Variants in FAM98A observed in about 807,000 individuals in gnomAD.
The protein encoded by FAM98A is protein FAM98A.
In FAM98A, 25 loss-of-function variants were observed where a neutral mutation model predicts 62.9. The observed-to-expected ratio is 0.40, with a 90% confidence interval of 0.29 to 0.56. The LOEUF (loss-of-function observed/expected upper bound fraction) is 0.56, where lower values mean the gene tolerates loss of function less well. Among genes scored for constraint, FAM98A ranks in the 20% least tolerant of loss-of-function variants. The pLI, the probability that FAM98A is intolerant of heterozygous loss-of-function variation, is 0.51. For missense variants in FAM98A, 653 were observed against 640.7 expected (o/e 1.02, Z -0.21); for synonymous variants, 252 against 228.6 (o/e 1.10, Z -0.92).
rs1677495218 is a variant in FAM98A, at chr2:33,584,783, G to C, written c.1550C>G (p.Thr517Ser). 1 of 1,597,734 alleles carries C rather than the reference G, an allele frequency of 6.3e-7. No homozygotes were observed. The part of the protein sequence containing the change: ...HSGFGQGRHY[T>S]S ...ATGTAAGGTTCGGTAGCCTCAACTA[G>C]TGTAATGTCTTCCCTGTCCAAATCC... The change falls in exon 8 of 8, where the codon ACT becomes AGT. Residue 517 changes from threonine to serine, a missense_variant. Coordinates refer to ENST00000238823, the MANE Select transcript of FAM98A (RefSeq NM_015475.5).
chr2:33,595,255 A>G (rs1444153744), intron 2 of FAM98A, among the ~76,000 whole-genome samples: 2 of 152,184 alleles, frequency 1.3e-5, no homozygotes, highest in African/African-American at 4.8e-5. Flanking sequence ...TCTGTATCCC[A>G]GTAATAGGGT....
At chr2:33,590,865 T>C (rs1677656694) in intron 3 of FAM98A, among the ~76,000 whole-genome samples, 1 of 152,150 alleles carries the variant, frequency 6.6e-6, no homozygotes, top group Non-Finnish European at 1.5e-5. Flanking sequence ...TTGGAAGAAT[T>C]AGCTATTCAG....
chr2:33,591,481 T>C (rs540181562), intron 3 of FAM98A, among the ~76,000 whole-genome samples: 1 of 152,264 alleles, frequency 6.6e-6, no homozygotes, highest in African/African-American at 2.4e-5. Flanking sequence ...GTAGTAAGTA[T>C]GTAAAAAACA....
chr2:33,593,413 AAAC>A lies in FAM98A; in HGVS notation c.203-1202_203-1200del, dbSNP rs1677719853. On this transcript the variant is annotated intron_variant, in intron 2 of 7. Coordinates refer to ENST00000238823, the MANE Select transcript of FAM98A (RefSeq NM_015475.5). Reference sequence around the variant, plus strand: ...AGTGAGATCTTGTCTAAAAACAAACAAACAAAAGGACTGTACTTATCTCCAGTT... The same window carrying A: ...AGTGAGATCTTGTCTAAAAACAAACAAAAAGGACTGTACTTATCTCCAGTT... Among the ~76,000 whole-genome samples the A allele has an allele frequency of 2.6e-5, 4 of 152,260 alleles. No individual in the cohort carries two copies. In the South Asian group the frequency reaches 8.3e-4, roughly 32 times the overall value.
intron 5 of FAM98A, 88 bp from the exon 6 acceptor site, chr2:33,586,766 T>C: frequency 1.3e-6 from 1 of 786,074 alleles, no homozygotes; most frequent in Non-Finnish European, 2.2e-6. Context: ...GTGTCATTCA[T>C]AACTGAGATC....
At position 33,586,929 on chromosome 2, in the gene FAM98A, C is replaced by T. The variant is rs192488161; in HGVS notation, c.604-251G>A. The T allele has an allele frequency of 5.3e-4, 281 of 531,316 alleles. 3 individuals carry two copies. The highest frequency in any genetic ancestry group is 4.7e-3 in the African/African-American group (252 of 53,078). The allele number at this position is 531,316 out of a possible 1,614,324, so 32.9% of individuals were successfully genotyped here. On this transcript the variant is annotated intron_variant, in intron 5 of 7. Transcript: ENST00000238823. ...CTTTCCCATAATTTACTGTGTGAAG[C>T]TCAGCCCAGTGAAGTTTTTGGCTTG...
chr2:33,599,082 G>T (rs1169398521), intron 1 of FAM98A, 87 bp downstream of exon 1: 5 of 1,090,688 alleles, frequency 4.6e-6, no homozygotes, highest in Non-Finnish European at 7.1e-6. Context: ...GGCGTGGAGA[G>T]GCAGGTGTCT....
chr2:33,599,296 G>T lies in FAM98A; in HGVS notation c.-75C>A. The T allele has an allele frequency of 8.1e-7, 1 of 1,242,234 alleles. No individual in the cohort carries two copies. The highest frequency in any genetic ancestry group is 1.2e-5 in the South Asian group (1 of 83,796). The allele number at this position is 1,242,234 out of a possible 1,614,324, so 77.0% of individuals were successfully genotyped here. Reference sequence around the variant, plus strand: ...GCAACGCGTACACTCGCGCATGCGCGACTTCCCCGGAACTTCCAAATCCAC... The same window carrying T: ...GCAACGCGTACACTCGCGCATGCGCTACTTCCCCGGAACTTCCAAATCCAC... On this transcript the variant is annotated 5_prime_UTR_variant, in exon 1 of 8. Coordinates refer to ENST00000238823, the MANE Select transcript of FAM98A (RefSeq NM_015475.5).
Position 33,585,341 on chromosome 2 carries a change from T to G in FAM98A, c.992A>C (p.Gln331Pro). The G allele has an allele frequency of 6.2e-7, 1 of 1,614,212 alleles. No homozygotes were observed. The highest frequency in any genetic ancestry group is 8.5e-7 in the Non-Finnish European group (1 of 1,180,034). ...CCCTCCTCCTCGGCCTCCTGTTTGC[T>G]GCTGGGGGCCATCTTGCCTCTTCTG... ...PWQKRQDGPQ[Q>P]QTGGRGGGRG... Residue 331 changes from glutamine (Q) to proline (P), a missense_variant, in exon 8 of 8, where the codon CAG (glutamine) becomes CCG (proline). Coordinates refer to ENST00000238823, the MANE Select transcript of FAM98A (RefSeq NM_015475.5).
rs149046462 is a variant in FAM98A, at chr2:33,584,385, G to T, written c.*391C>A. 5.4e-5 allele frequency: 10 copies of T among 186,336 alleles called. No individual in the cohort carries two copies. In the East Asian group the frequency reaches 1.3e-3, roughly 24 times the overall value. The allele number at this position is 186,336 out of a possible 1,614,324, so 11.5% of individuals were successfully genotyped here. On this transcript the variant is annotated 3_prime_UTR_variant, in exon 8 of 8. Transcript: ENST00000238823. ...TTATTCATATGAGGAAGGTTTCCTA[G>T]TAGTAAATCTAAAAAAGTCTAGGTG...
At position 33,595,625 on chromosome 2, in the gene FAM98A, T is replaced by C; in HGVS notation, c.66A>G (p.Pro22=). 1.3e-6 allele frequency: 2 copies of C among 1,580,350 alleles called. No individual in the cohort carries two copies. The highest frequency in any genetic ancestry group is 8.6e-7 in the Non-Finnish European group (1 of 1,169,286). ...ESLEDLGYKG[P]LLEDGALSQA... is the part of the protein sequence containing the mutation. ...GAGAGAGCGCTCCATCTTCCAACAA[T>C]GGGCCCTTGTAACTGGTGAGCAAGA... The change falls in exon 2 of 8, where the codon CCA becomes CCG. Residue 22 remains proline (P), a synonymous_variant. Coordinates refer to ENST00000238823, the MANE Select transcript of FAM98A (RefSeq NM_015475.5).
rs1288233036 is a variant in FAM98A at position 33,599,296 on chromosome 2, G to A, written c.-75C>T. ...GCAACGCGTACACTCGCGCATGCGCGACTTCCCCGGAACTTCCAAATCCAC... is the reference window on the plus strand; with the variant it reads ...GCAACGCGTACACTCGCGCATGCGCAACTTCCCCGGAACTTCCAAATCCAC... On this transcript the variant is annotated 5_prime_UTR_variant, in exon 1 of 8. Transcript: ENST00000238823. 1 of 1,242,236 alleles carries A rather than the reference G, an allele frequency of 8.1e-7. No individual in the cohort carries two copies. Among genetic ancestry groups the A allele is most frequent in the Non-Finnish European group, 1.2e-6 (1 of 840,536 alleles). 77.0% of individuals were successfully genotyped at this position (1,242,236 alleles called of 1,614,324 possible). A position where few individuals can be genotyped will look rare whatever the true frequency, so the allele number is the denominator to read the frequency against.
At position 33,584,515 on chromosome 2, in the gene FAM98A, C is replaced by A. The variant is rs1677489078; in HGVS notation, c.*261G>T. 1.4e-5 allele frequency: 6 copies of A among 432,962 alleles called. No homozygotes were observed. The highest frequency in any genetic ancestry group is 2.0e-5 in the Non-Finnish European group (5 of 245,076). 26.8% of individuals were successfully genotyped at this position (432,962 alleles called of 1,614,324 possible). On this transcript the variant is annotated 3_prime_UTR_variant, in exon 8 of 8. Transcript: ENST00000238823. The stretch of plus-strand genomic sequence containing the variant: ...CTGACTGTGGAATTAGTCTACTGGG[C>A]AATTAAAGGCAATTTTAACCACCTT...
rs761115812 is a variant in FAM98A, at chr2:33,588,534, A to G, written c.338-15T>C. On this transcript the variant is annotated splice_polypyrimidine_tract_variant and intron_variant, in intron 3 of 7. Coordinates refer to ENST00000238823, the MANE Select transcript of FAM98A (RefSeq NM_015475.5). Reference sequence around the variant, plus strand: ...GATGAGGTATGCTGAAGTAAACAAAATAAGATTTCAAAATGAGATACAGCT... The same window carrying G: ...GATGAGGTATGCTGAAGTAAACAAAGTAAGATTTCAAAATGAGATACAGCT... The G allele has an allele frequency of 3.5e-5, 57 of 1,608,492 alleles. No homozygotes were observed. Among genetic ancestry groups the G allele is most frequent in the Non-Finnish European group, 4.6e-5 (54 of 1,177,130 alleles).
chr2:33,584,824 A>G lies in FAM98A; in HGVS notation c.1509T>C (p.Tyr503=), dbSNP rs1442787543. The stretch of plus-strand genomic sequence containing the variant: ...GTCCAAATCCAGAATGATTATACTG[A>G]TAACCTCCATGCTGGAAATGCTGTT... ...QFEQHFQHGG[Y]QYNHSGFGQG... is the part of the protein sequence containing the mutation. The change falls in exon 8 of 8, where the codon TAT becomes TAC. Residue 503 remains tyrosine (Y), a synonymous_variant. Transcript: ENST00000238823. The G allele has an allele frequency of 6.2e-7, 1 of 1,613,960 alleles. No individual in the cohort carries two copies. The highest frequency in any genetic ancestry group is 1.1e-5 in the South Asian group (1 of 91,050).
rs1677793636 is a variant in FAM98A at position 33,595,582 on chromosome 2, C to T, written c.109G>A (p.Ala37Thr). The T allele has an allele frequency of 6.2e-7, 1 of 1,607,786 alleles. No homozygotes were observed. Among genetic ancestry groups the T allele is most frequent in the East Asian group, 2.3e-5 (1 of 44,218 alleles). The change falls in exon 2 of 8, where the codon GCC becomes ACC. Residue 37 changes from alanine to threonine, a missense_variant. Ala to Thr is a moderately conservative substitution (Grantham distance 58). Coordinates refer to ENST00000238823, the MANE Select transcript of FAM98A (RefSeq NM_015475.5). ...AGTTTGGTAAACTCGGGGGAACTGG[C>T]TCCAGCAGAGACTGCCTGAGAGAGC... The part of the protein sequence containing the change: ...GALSQAVSAG[A>T]SSPEFTKLCA...
At position 33,586,432 on chromosome 2, in the gene FAM98A, C is replaced by T. The variant is rs958123281; in HGVS notation, c.720+130G>A. On this transcript the variant is annotated intron_variant, in intron 6 of 7. Coordinates refer to ENST00000238823, the MANE Select transcript of FAM98A (RefSeq NM_015475.5). ...AGTTGAAAGAGCCACTACTCAATAACTCACTAAGGAAAAATCCCTATGTGT... is the reference window on the plus strand; with the variant it reads ...AGTTGAAAGAGCCACTACTCAATAATTCACTAAGGAAAAATCCCTATGTGT... 1.7e-4 allele frequency: 100 copies of T among 586,482 alleles called. 1 individual carries two copies. The Admixed American group carries it at 2.4e-3, about 14-fold the overall frequency. The allele number at this position is 586,482 out of a possible 1,614,324, so 36.3% of individuals were successfully genotyped here. A position where few individuals can be genotyped will look rare whatever the true frequency, so the allele number is the denominator to read the frequency against.
At position 33,585,112 on chromosome 2, in the gene FAM98A, A is replaced by G. The variant is rs759619351; in HGVS notation, c.1221T>C (p.Gly407=). Residue 407 remains glycine, a synonymous_variant, in exon 8 of 8, where the codon GGT becomes GGC. Coordinates refer to ENST00000238823, the MANE Select transcript of FAM98A (RefSeq NM_015475.5). The part of the protein sequence containing the change: ...GGYRDSGFQP[G]GYHGGHSSGG... ...CACTGCTGTGGCCACCATGATAGCC[A>G]CCTGGCTGGAAACCTGAATCTCGAT... is the stretch of plus-strand genomic sequence containing the variant. 3 of 1,613,992 alleles carry G rather than the reference A, an allele frequency of 1.9e-6. No individual in the cohort carries two copies. Among genetic ancestry groups the G allele is most frequent in the African/African-American group, 2.7e-5 (2 of 74,914 alleles).
At chr2:33,597,439 C>T (rs1677837794) in intron 1 of FAM98A, among the ~76,000 whole-genome samples, 1 of 152,276 alleles carries the variant, frequency 6.6e-6, no homozygotes, top group South Asian at 2.1e-4. Context: ...TTGAATGCCA[C>T]CAAACTAAGT....
Sources: gnomAD v4.1 joint callset for allele counts (sites outside exome capture counted in the v4.1 genomes callset) on GRCh38, gnomAD v4.1.1 for gene constraint, MANE v1.5 for transcripts, NCBI Gene and HGNC (gene_info 2026-07-23, HGNC 2026-07-21) for gene names.